The following COQ3 variants were observed in gnomAD, a reference collection of about 807,000 sequenced individuals.
COQ3 encodes the protein ubiquinone biosynthesis O-methyltransferase, mitochondrial.
COQ3 carries 29 observed loss-of-function variants against 33.1 expected under a neutral mutation model. The observed-to-expected ratio is 0.88, with a 90% CI of 0.65 to 1.19. The LOEUF (loss-of-function observed/expected upper bound fraction) is 1.19. Among genes scored for constraint, COQ3 ranks in the 50% most tolerant of loss-of-function variants. The pLI, the probability that COQ3 is intolerant of heterozygous loss-of-function variation, is 0.00. For missense variants in COQ3, 437 were observed against 430.7 expected (o/e 1.01, Z -0.13); for synonymous variants, 173 against 157.8 (o/e 1.10, Z -0.72).
chr6:99,383,940 AC>A, intron 1 of COQ3, 116 bp from the exon 2 acceptor site: 1 of 805,160 alleles, frequency 1.2e-6, no homozygotes, highest in Non-Finnish European at 1.8e-6. Context: ...TTGCTCTGCC[AC>A]CCAGGTTGGA....
At chr6:99,371,378 A>G (rs760553286) in intron 6 of COQ3, 50 bp downstream of exon 6, 1 of 1,288,728 alleles carries the variant, frequency 7.8e-7, no homozygotes, top group Admixed American at 2.4e-5. Flanking sequence ...CTGGCATATT[A>G]AAAGTTCAGC....
chr6:99,383,779 C>T lies in COQ3; in HGVS notation c.152G>A (p.Gly51Glu). ...TATGGTTCTGTATTCATTGAAAACC[C>T]CTGGTTTAATCTGTAGAGTCCCACT... ...QLSGTLQIKP[G>E]VFNEYRTIWF... The change falls in exon 2 of 7, where the codon GGG becomes GAG. Residue 51 changes from glycine (G) to glutamate (E), a missense_variant. Gly to Glu is a moderately conservative substitution (Grantham distance 98, BLOSUM62 -2). Coordinates refer to ENST00000254759, the MANE Select transcript of COQ3 (RefSeq NM_017421.4). The T allele has an allele frequency of 6.3e-7, 1 of 1,598,862 alleles. No individual in the cohort carries two copies. The highest frequency in any genetic ancestry group is 1.1e-5 in the South Asian group (1 of 87,642).
intron 1 of COQ3, among the ~76,000 whole-genome samples, chr6:99,388,924 CACACA>C (rs748515077): frequency 7.8e-4 from 107 of 136,966 alleles, no homozygotes; most frequent in Admixed American, 2.8e-3. Flanking sequence ...CACACACACA[CACACA>C]CACACCCACA....
intron 6 of COQ3, 76 bp from the exon 7 acceptor site, chr6:99,369,896 T>C (rs1774078839): frequency 1.0e-6 from 1 of 968,908 alleles, no homozygotes; most frequent in South Asian, 1.6e-5. Context: ...TCATGCAACT[T>C]TCTATATTAA....
At chr6:99,376,226 G>A in intron 4 of COQ3, 44 bp from the exon 5 acceptor site, 5 of 1,581,704 alleles carry the variant, frequency 3.2e-6, no homozygotes, top group Non-Finnish European at 4.3e-6. Context: ...AGAAAATAGA[G>A]CACATGTTAG....
chr6:99,392,983 C>G (rs1391501667), intron 1 of COQ3, among the ~76,000 whole-genome samples: 3 of 151,998 alleles, frequency 2.0e-5, no homozygotes, highest in Non-Finnish European at 4.4e-5. Context: ...CTATGTTCAC[C>G]CCTCAAAAAT....
chr6:99,378,096 T>A (rs1774346248), intron 3 of COQ3, among the ~76,000 whole-genome samples: 2 of 102,482 alleles, frequency 2.0e-5, no homozygotes, highest in African/African-American at 7.5e-5. Flanking sequence ...AACAGTATTG[T>A]AAACTAAACA....
At position 99,376,009 on chromosome 6, in the gene COQ3, T is replaced by C. The variant is rs1213610104; in HGVS notation, c.660A>G (p.Val220=). 3 of 1,613,926 alleles carry C rather than the reference T, an allele frequency of 1.9e-6. No homozygotes were observed. Among genetic ancestry groups the C allele is most frequent in the Non-Finnish European group, 2.5e-6 (3 of 1,179,898 alleles). The change falls in exon 5 of 7, where the codon GTA becomes GTG. Residue 220 remains valine, a synonymous_variant. Transcript: ENST00000254759. The stretch of plus-strand genomic sequence containing the variant: ...TCACATGTTCTACAACTTCAGAAGC[T>C]ACAACAGCATCAAATGTTTCTGCAG... ...EETAETFDAV[V]ASEVVEHVID... is the part of the protein sequence containing the mutation.
intron 5 of COQ3, 49 bp downstream of exon 5, chr6:99,375,891 T>C (rs1562202986): frequency 3.7e-6 from 6 of 1,600,668 alleles, no homozygotes; most frequent in Non-Finnish European, 5.1e-6. Context: ...TAGATACAAA[T>C]ACACACACTC....
At chr6:99,370,837 T>C (rs563578592) in intron 6 of COQ3, among the ~76,000 whole-genome samples, 64 of 152,228 alleles carry the variant, frequency 4.2e-4, no homozygotes, top group African/African-American at 1.4e-3. Flanking sequence ...ACAAGCACTA[T>C]TACTTGACCA....
intron 1 of COQ3, among the ~76,000 whole-genome samples, chr6:99,392,797 G>A (rs1299608756): frequency 6.6e-6 from 1 of 152,006 alleles, no homozygotes; most frequent in Admixed American, 6.6e-5. Context: ...AGCTAATTTT[G>A]TATTTTTAGT....
chr6:99,390,115 AACG>A (rs1361876544), intron 1 of COQ3, among the ~76,000 whole-genome samples: 1 of 152,172 alleles, frequency 6.6e-6, no homozygotes, highest in Non-Finnish European at 1.5e-5. Context: ...TCCGTCTCAA[AACG>A]ACAACAACTA....
intron 3 of COQ3, 145 bp from the exon 4 acceptor site, chr6:99,377,630 C>T (rs1426542933): frequency 1.4e-5 from 7 of 516,548 alleles, no homozygotes; most frequent in Non-Finnish European, 2.3e-5. Context: ...TCAACATTGA[C>T]ATTTAATTTA....
At position 99,375,941 on chromosome 6, in the gene COQ3, T is replaced by A. The variant is rs780057172; in HGVS notation, c.728A>T (p.Lys243Ile). Residue 243 changes from lysine to isoleucine, a missense_variant and splice_region_variant, in exon 5 of 7, where the codon AAA becomes ATA. Lys to Ile is a moderately radical substitution (Grantham distance 102, BLOSUM62 -3). Coordinates refer to ENST00000254759, the MANE Select transcript of COQ3 (RefSeq NM_017421.4). The part of the protein sequence containing the change: ...TFLQCCCQVL[K>I]PGGSLFITTI... Reference sequence around the variant, plus strand: ...AGATGTAAACTCCATAAGCCTTACTTTTAACACTTGACAGCAGCACTGTAA... The same window carrying A: ...AGATGTAAACTCCATAAGCCTTACTATTAACACTTGACAGCAGCACTGTAA... The A allele has an allele frequency of 3.3e-5, 53 of 1,613,820 alleles. No individual in the cohort carries two copies. Among genetic ancestry groups the A allele is most frequent in the Non-Finnish European group, 3.4e-6 (4 of 1,180,016 alleles).
In COQ3 at chr6:99,376,330, T is replaced by C. The variant is rs1774283160; in HGVS notation, c.487-148A>G. 11 of 793,296 alleles carry C rather than the reference T, an allele frequency of 1.4e-5. No individual in the cohort carries two copies. In the East Asian group the frequency reaches 2.7e-4, roughly 19 times the overall value. 49.1% of individuals were successfully genotyped at this position (793,296 alleles called of 1,614,324 possible). On this transcript the variant is annotated intron_variant, in intron 4 of 6. Coordinates refer to ENST00000254759, the MANE Select transcript of COQ3 (RefSeq NM_017421.4). ...GGTACATGGAAACTCATATACCATTTTCTCTAGTTTGTACACATTTGAAAT... is the reference window on the plus strand; with the variant it reads ...GGTACATGGAAACTCATATACCATTCTCTCTAGTTTGTACACATTTGAAAT...
intron 5 of COQ3, among the ~76,000 whole-genome samples, chr6:99,375,347 T>C (rs2128470475): frequency 6.6e-6 from 1 of 152,036 alleles, no homozygotes; most frequent in South Asian, 2.1e-4. Flanking sequence ...AATACTGCTA[T>C]AAGTGTATGG....
intron 1 of COQ3, among the ~76,000 whole-genome samples, chr6:99,391,098 T>TTG (rs1554209267): frequency 5.2e-5 from 7 of 133,636 alleles, no homozygotes; most frequent in Admixed American, 2.2e-4. Flanking sequence ...TTTATTTATT[T>TTG]ATTTATTTAT....
At chr6:99,389,231 T>A (rs1018188578) in intron 1 of COQ3, among the ~76,000 whole-genome samples, 2 of 152,104 alleles carry the variant, frequency 1.3e-5, no homozygotes, top group South Asian at 4.1e-4. Flanking sequence ...CAAGTGATTA[T>A]CCAGCTCAGC....
At chr6:99,375,893 C>A in intron 5 of COQ3, 47 bp downstream of exon 5, 21 of 1,601,652 alleles carry the variant, frequency 1.3e-5, no homozygotes, top group Non-Finnish European at 1.8e-5. Flanking sequence ...GATACAAATA[C>A]ACACACTCAG....
Sources: gnomAD v4.1 joint callset for allele counts (sites outside exome capture counted in the v4.1 genomes callset) on GRCh38, gnomAD v4.1.1 for gene constraint, MANE v1.5 for transcripts, NCBI Gene and HGNC (gene_info 2026-07-23, HGNC 2026-07-21) for gene names.